The following ADGRL4 variants were observed in gnomAD, a reference collection of about 807,000 sequenced individuals.
ADGRL4 encodes EGF, latrophilin and seven transmembrane domain containing 1.
A neutral mutation model predicts 74.8 loss-of-function variants in ADGRL4; 90 were observed. That is an observed-to-expected ratio of 1.20 (90% confidence interval 1.02 to 1.43). The LOEUF is 1.43. Ranked by LOEUF, ADGRL4 falls within the 40% of genes most tolerant of loss-of-function variation. The probability of loss-of-function intolerance (pLI) is 0.00; values close to 1 mark genes in which losing one functional copy is unlikely to be tolerated. For synonymous variants in ADGRL4, 311 were observed against 279.2 expected (o/e 1.11, Z -1.14); for missense variants, 881 against 814.3 (o/e 1.08, Z -1.00).
At chr1:78,904,177 C>T (rs1025893208) in intron 12 of ADGRL4, among the ~76,000 whole-genome samples, 2 of 151,632 alleles carry the variant, frequency 1.3e-5, no homozygotes, top group Admixed American at 6.6e-5. Flanking sequence ...TAAAACATTG[C>T]TGAAGATTTG....
chr1:78,961,225 C>T (rs1291429367), intron 2 of ADGRL4, among the ~76,000 whole-genome samples: 1 of 151,862 alleles, frequency 6.6e-6, no homozygotes, highest in Non-Finnish European at 1.5e-5. Context: ...GGGTGCCAAC[C>T]TCTGACTCAT....
At position 78,937,924 on chromosome 1, in the gene ADGRL4, C is replaced by T. The variant is rs779261289; in HGVS notation, c.643G>A (p.Val215Met). 2.5e-6 allele frequency: 4 copies of T among 1,613,864 alleles called. No homozygotes were observed. The highest frequency in any genetic ancestry group is 2.7e-5 in the African/African-American group (2 of 74,918). The change falls in exon 6 of 15, where the codon GTG becomes ATG. Residue 215 changes from valine (V) to methionine (M), a missense_variant. Coordinates refer to ENST00000370742, the MANE Select transcript of ADGRL4 (RefSeq NM_022159.4). ...GTAAGATGTGTTCTCCTATGATTCA[C>T]AGATAACTTGTCCCAAACTACAAAT... is the stretch of plus-strand genomic sequence containing the variant. The part of the protein sequence containing the change: ...DTFVVWDKLS[V>M]NHRRTHLTKL...
intron 2 of ADGRL4, among the ~76,000 whole-genome samples, chr1:78,968,760 C>T (rs867171157): frequency 6.6e-6 from 1 of 152,076 alleles, no homozygotes; most frequent in Non-Finnish European, 1.5e-5. Context: ...CAGGATGGAT[C>T]CTGCATCCAA....
chr1:78,938,280 C>G lies in ADGRL4; in HGVS notation c.397-1G>C. ...CCACAGGTTCTTTTATGGATCTGAT[C>G]TGAGAAAAAATGAGTCCAGAAAAAG... On this transcript the variant is annotated splice_acceptor_variant, in intron 4 of 14. Coordinates refer to ENST00000370742, the MANE Select transcript of ADGRL4 (RefSeq NM_022159.4). LOFTEE classifies it high-confidence loss of function. 3 of 1,563,100 alleles carry G rather than the reference C, an allele frequency of 1.9e-6. No homozygotes were observed. The highest frequency in any genetic ancestry group is 2.6e-6 in the Non-Finnish European group (3 of 1,162,406).
chr1:78,973,934 T>A (rs1650226386), intron 2 of ADGRL4, among the ~76,000 whole-genome samples: 1 of 152,094 alleles, frequency 6.6e-6, no homozygotes, highest in African/African-American at 2.4e-5. Context: ...TGGGCTTTAC[T>A]TGGATTTCAT....
At chr1:78,971,640 C>A (rs1650169631) in intron 2 of ADGRL4, among the ~76,000 whole-genome samples, 2 of 152,192 alleles carry the variant, frequency 1.3e-5, no homozygotes, top group Admixed American at 1.3e-4. Flanking sequence ...GGCCGTGTGG[C>A]AAAGATCCGG....
At chr1:78,896,071 T>A (rs1648391586) in intron 12 of ADGRL4, among the ~76,000 whole-genome samples, 1 of 151,904 alleles carries the variant, frequency 6.6e-6, no homozygotes, top group Non-Finnish European at 1.5e-5. Flanking sequence ...TGAACCTATT[T>A]ATGTACTCTC....
rs151167664 is a variant in ADGRL4 at position 78,954,789 on chromosome 1, A to G, written c.173-8363T>C. 1.1e-4 allele frequency among the ~76,000 whole-genome samples: 16 copies of G among 152,258 alleles called. 1 individual carries two copies. The highest frequency in any genetic ancestry group is 3.4e-4 in the African/African-American group (14 of 41,576). On this transcript the variant is annotated intron_variant, in intron 2 of 14. Coordinates refer to ENST00000370742, the MANE Select transcript of ADGRL4 (RefSeq NM_022159.4). Reference sequence around the variant, plus strand: ...AACACAACATTTTAGCTTAAAAGCTATAGAGAAACAAATTACATGACATTC... The same window carrying G: ...AACACAACATTTTAGCTTAAAAGCTGTAGAGAAACAAATTACATGACATTC...
intron 2 of ADGRL4, among the ~76,000 whole-genome samples, chr1:78,998,104 C>G (rs1296714207): frequency 6.6e-6 from 1 of 152,180 alleles, no homozygotes; most frequent in Non-Finnish European, 1.5e-5. Flanking sequence ...GGGAAGAGGA[C>G]AGGATCCCAC....
At chr1:78,984,074 A>G (rs1650448362) in intron 2 of ADGRL4, among the ~76,000 whole-genome samples, 1 of 151,832 alleles carries the variant, frequency 6.6e-6, no homozygotes, top group African/African-American at 2.4e-5. Context: ...ACATTACTAC[A>G]TAAGCAGTAC....
chr1:78,917,462 T>G (rs1331572574), intron 12 of ADGRL4, among the ~76,000 whole-genome samples, 172 bp downstream of exon 12: 2 of 151,178 alleles, frequency 1.3e-5, no homozygotes, highest in Non-Finnish European at 3.0e-5. Context: ...ATACATGATT[T>G]AAAAGATATA....
chr1:78,954,368 A>T (rs1649788729), intron 2 of ADGRL4, among the ~76,000 whole-genome samples: 1 of 152,122 alleles, frequency 6.6e-6, no homozygotes, highest in Admixed American at 6.5e-5. Context: ...AATTTAAAAA[A>T]CAGGGAAAAA....
chr1:78,948,252 G>C (rs1649650406), intron 2 of ADGRL4, among the ~76,000 whole-genome samples: 1 of 152,082 alleles, frequency 6.6e-6, no homozygotes, highest in South Asian at 2.1e-4. Flanking sequence ...GCTTCTCCTG[G>C]AGACCAACAA....
chr1:78,951,075 T>C lies in ADGRL4; in HGVS notation c.173-4649A>G, dbSNP rs560492259. 3.2e-4 allele frequency among the ~76,000 whole-genome samples: 48 copies of C among 152,272 alleles called. 1 individual carries two copies. The highest frequency in any genetic ancestry group is 1.1e-3 in the African/African-American group (46 of 41,564). On this transcript the variant is annotated intron_variant, in intron 2 of 14. Transcript: ENST00000370742. ...GAGTCAGATTCAAGAGCATGGCATT[T>C]CTCAGCTCCTGAGAAAAGGGGCAAG...
At chr1:78,950,976 T>C (rs1187748127) in intron 2 of ADGRL4, among the ~76,000 whole-genome samples, 2 of 152,144 alleles carry the variant, frequency 1.3e-5, no homozygotes, top group Non-Finnish European at 2.9e-5. Flanking sequence ...AATAGTTCTA[T>C]AGTCAACCAT....
chr1:78,943,451 C>A (rs974415609), intron 3 of ADGRL4, among the ~76,000 whole-genome samples: 1 of 152,178 alleles, frequency 6.6e-6, no homozygotes, highest in Non-Finnish European at 1.5e-5. Flanking sequence ...CCAGCGCTTT[C>A]TGCAGCAAAA....
intron 2 of ADGRL4, among the ~76,000 whole-genome samples, chr1:78,999,822 AT>A (rs1483714946): frequency 5.3e-5 from 8 of 149,796 alleles, no homozygotes; most frequent in East Asian, 4.0e-4. Context: ...CTATCTATCT[AT>A]CTATCTATCT....
At chr1:78,916,638 T>A (rs1648878284) in intron 12 of ADGRL4, among the ~76,000 whole-genome samples, 1 of 151,896 alleles carries the variant, frequency 6.6e-6, no homozygotes, top group Admixed American at 6.6e-5. Flanking sequence ...AAAATAAAGC[T>A]TGATGAAAAT....
chr1:78,903,871 G>A (rs1296633129), intron 12 of ADGRL4, among the ~76,000 whole-genome samples: 4 of 151,710 alleles, frequency 2.6e-5, no homozygotes, highest in Non-Finnish European at 5.9e-5. Context: ...GAGAGGTGGA[G>A]GTTGCAGTGA....
Sources: allele counts gnomAD v4.1 joint callset (sites outside exome capture counted in the v4.1 genomes callset), GRCh38; gene constraint gnomAD v4.1.1; transcripts MANE v1.5; gene names NCBI Gene and HGNC (gene_info 2026-07-23, HGNC 2026-07-21).